ASTN1: variants seen among roughly 807,000 people sequenced by gnomAD.
ASTN1 encodes astrotactin-1.
Under a neutral mutation model 140.7 loss-of-function variants are expected in ASTN1, and 41 were observed. The ratio of observed to expected loss-of-function variants is 0.29; its 90% confidence interval spans 0.23 to 0.38. ASTN1 has a LOEUF of 0.38. Among genes scored for constraint, ASTN1 ranks in the 10% least tolerant of loss-of-function variants. The pLI is 1.00. For missense variants in ASTN1, 1,479 were observed against 1,678.8 expected (o/e 0.88, Z 2.08); for synonymous variants, 640 against 652.2 (o/e 0.98, Z 0.29).
intron 8 of ASTN1, among the ~76,000 whole-genome samples, chr1:177,001,238 G>A (rs1243620200): frequency 2.0e-5 from 3 of 152,158 alleles, no homozygotes; most frequent in Admixed American, 6.5e-5. Flanking sequence ...TTTTACATAA[G>A]AGACATTGTT....
At chr1:176,865,322 C>A (rs1668092572) in intron 22 of ASTN1, among the ~76,000 whole-genome samples, 1 of 152,186 alleles carries the variant, frequency 6.6e-6, no homozygotes, top group South Asian at 2.1e-4. Context: ...CCCCCTGGGC[C>A]AGAGTGTGAG....
At chr1:177,029,305 T>C in intron 5 of ASTN1, 3 of 526,826 alleles carry the variant, frequency 5.7e-6, no homozygotes, top group East Asian at 5.2e-5. Context: ...CAACACACTT[T>C]ATTAACTTTG....
At chr1:177,048,462 G>A (rs1012041197) in intron 2 of ASTN1, among the ~76,000 whole-genome samples, 2 of 152,138 alleles carry the variant, frequency 1.3e-5, no homozygotes, top group African/African-American at 4.8e-5. Context: ...CCTGGGAATG[G>A]GGCAACTGAA....
At chr1:177,060,678 T>C (rs1246878244) in intron 2 of ASTN1, among the ~76,000 whole-genome samples, 1 of 152,094 alleles carries the variant, frequency 6.6e-6, no homozygotes, top group African/African-American at 2.4e-5. Flanking sequence ...GTTTTGTATT[T>C]TTAGTAGAGA....
intron 2 of ASTN1, among the ~76,000 whole-genome samples, chr1:177,054,215 C>G (rs1365599384): frequency 6.6e-6 from 1 of 152,142 alleles, no homozygotes; most frequent in Non-Finnish European, 1.5e-5. Flanking sequence ...GTCCCCTTGT[C>G]TGCAAAATGA....
intron 1 of ASTN1, among the ~76,000 whole-genome samples, chr1:177,078,012 G>A (rs1171470787): frequency 6.6e-6 from 1 of 152,174 alleles, no homozygotes; most frequent in Non-Finnish European, 1.5e-5. Flanking sequence ...GCACAGATGG[G>A]GAGTCTGGGC....
chr1:177,022,627 C>G (rs985246491), intron 7 of ASTN1, among the ~76,000 whole-genome samples: 5 of 152,144 alleles, frequency 3.3e-5, no homozygotes, highest in African/African-American at 1.2e-4. Flanking sequence ...GAAGACGTTC[C>G]TACTCTTTGA....
intron 2 of ASTN1, among the ~76,000 whole-genome samples, chr1:177,056,079 T>C (rs916317655): frequency 6.6e-6 from 1 of 152,186 alleles, no homozygotes; most frequent in African/African-American, 2.4e-5. Flanking sequence ...GCAACTGGAC[T>C]GAACTTGAAT....
At chr1:176,904,505 C>T (rs1411333829) in intron 16 of ASTN1, among the ~76,000 whole-genome samples, 1 of 151,800 alleles carries the variant, frequency 6.6e-6, no homozygotes. Flanking sequence ...GAGAGAGAGG[C>T]GAAAATGAGG....
At chr1:177,053,918 T>G (rs1571714909) in intron 2 of ASTN1, among the ~76,000 whole-genome samples, 2 of 152,244 alleles carry the variant, frequency 1.3e-5, no homozygotes, top group Admixed American at 1.3e-4. Flanking sequence ...GGAAAGAAAA[T>G]TTGTGTTCCA....
intron 1 of ASTN1, among the ~76,000 whole-genome samples, chr1:177,155,083 T>A (rs1028784361): frequency 1.3e-5 from 2 of 152,158 alleles, no homozygotes; most frequent in Non-Finnish European, 1.5e-5. Flanking sequence ...CTTAAATGCA[T>A]GATATTAAGG....
intron 16 of ASTN1, among the ~76,000 whole-genome samples, chr1:176,904,567 T>C (rs532293421): frequency 6.6e-6 from 1 of 152,092 alleles, no homozygotes; most frequent in South Asian, 2.1e-4. Context: ...AAAGACAACG[T>C]GAATGAGTGG....
chr1:176,915,982 C>A (rs764358510), intron 16 of ASTN1, among the ~76,000 whole-genome samples: 1 of 152,188 alleles, frequency 6.6e-6, no homozygotes, highest in Non-Finnish European at 1.5e-5. Flanking sequence ...CCGAAACTTG[C>A]CCATTCTCAG....
rs1040847858 is a variant in ASTN1 at position 177,023,655 on chromosome 1, C to G, written c.1271-84G>C. ...CCACCGAAGACAAGGAAATCCCAAC[C>G]TGAGAATTAGTACCAATCAGAGATC... is the stretch of plus-strand genomic sequence containing the variant. On this transcript the variant is annotated intron_variant, in intron 6 of 22. Transcript: ENST00000361833. 3.6e-6 allele frequency: 5 copies of G among 1,377,834 alleles called. No individual in the cohort carries two copies. In the Admixed American group the frequency reaches 1.4e-4, roughly 40 times the overall value. 85.4% of individuals were successfully genotyped at this position (1,377,834 alleles called of 1,614,324 possible). A position where few individuals can be genotyped will look rare whatever the true frequency, so the allele number is the denominator to read the frequency against.
chr1:177,091,916 GGATT>G (rs2102105240), intron 1 of ASTN1, among the ~76,000 whole-genome samples: 1 of 150,972 alleles, frequency 6.6e-6, no homozygotes, highest in South Asian at 2.1e-4. Flanking sequence ...ACACACTTGT[GGATT>G]GTCTCTTTTT....
At chr1:177,060,508 C>T (rs898667234) in intron 2 of ASTN1, among the ~76,000 whole-genome samples, 2 of 152,118 alleles carry the variant, frequency 1.3e-5, no homozygotes, top group East Asian at 1.9e-4. Context: ...CTATTAGCCT[C>T]ATCTAATTTT....
At chr1:176,989,315 T>C (rs1460357602) in intron 8 of ASTN1, among the ~76,000 whole-genome samples, 1 of 152,208 alleles carries the variant, frequency 6.6e-6, no homozygotes, top group Non-Finnish European at 1.5e-5. Context: ...TATCCAGCTG[T>C]CAAAGGCATT....
At position 177,065,185 on chromosome 1, in the gene ASTN1, A is replaced by T. The variant is rs1678295736; in HGVS notation, c.284-3920T>A. Among the ~76,000 whole-genome samples, 3 of 152,174 alleles carry T rather than the reference A, an allele frequency of 2.0e-5. No homozygotes were observed. The South Asian group carries it at 6.2e-4, about 31-fold the overall frequency. ...CGAGATCCTACTCAGTCATCTCAAGATACCACAGGTGGCAGGAGCACCAAT... is the reference window on the plus strand; with the variant it reads ...CGAGATCCTACTCAGTCATCTCAAGTTACCACAGGTGGCAGGAGCACCAAT... On this transcript the variant is annotated intron_variant, in intron 1 of 22. Transcript: ENST00000361833.
chr1:177,028,335 C>T (rs1676234847), intron 5 of ASTN1, among the ~76,000 whole-genome samples: 1 of 152,198 alleles, frequency 6.6e-6, no homozygotes, highest in Admixed American at 6.5e-5. Flanking sequence ...CCCTAATCCA[C>T]ATTCTCGCCT....
Sources: allele counts gnomAD v4.1 joint callset (sites outside exome capture counted in the v4.1 genomes callset), GRCh38; gene constraint gnomAD v4.1.1; transcripts MANE v1.5; gene names NCBI Gene and HGNC (gene_info 2026-07-23, HGNC 2026-07-21).